Variants in ADGRL2 observed in about 807,000 individuals in gnomAD.
ADGRL2 encodes calcium-independent alpha-latrotoxin receptor 2.
Under a neutral mutation model 157.4 loss-of-function variants are expected in ADGRL2, and 44 were observed. That is an observed-to-expected ratio of 0.28 (90% CI 0.22 to 0.36). The LOEUF (loss-of-function observed/expected upper bound fraction) is 0.36, where lower values mean the gene tolerates loss of function less well. Ranked by LOEUF, ADGRL2 falls within the 10% of genes least tolerant of loss-of-function variation. The pLI, the probability that ADGRL2 is intolerant of heterozygous loss-of-function variation, is 1.00. For missense variants in ADGRL2, 1,510 were observed against 1,768.9 expected (o/e 0.85, Z 2.63); for synonymous variants, 585 against 624.7 (o/e 0.94, Z 0.95).
chr1:81,972,809 G>A (rs1038538436), intron 17 of ADGRL2, among the ~76,000 whole-genome samples: 13 of 151,860 alleles, frequency 8.6e-5, no homozygotes, highest in Non-Finnish European at 1.8e-4. Context: ...ATACTCAGGA[G>A]GCAGAGGCAG....
In ADGRL2 at chr1:81,955,790, A is replaced by G; in HGVS notation, c.1834-87A>G. On this transcript the variant is annotated intron_variant, in intron 10 of 23. Transcript: ENST00000686636. ...AAGAGTAAATCATCATGACAGATAA[A>G]TATTACAATTGTCACTCATCAGCTA... The G allele has an allele frequency of 4.0e-6, 3 of 758,974 alleles. 1 individual carries two copies. In the South Asian group the frequency reaches 6.0e-5, roughly 15 times the overall value. The allele number at this position is 758,974 out of a possible 1,614,324, so 47.0% of individuals were successfully genotyped here.
intron 16 of ADGRL2, among the ~76,000 whole-genome samples, chr1:81,971,556 G>T (rs1385187124): frequency 6.6e-6 from 1 of 152,168 alleles, no homozygotes; most frequent in African/African-American, 2.4e-5. Context: ...CTGTCTTAGG[G>T]AAGTCAGAAG....
chr1:81,865,651 T>C (rs1211422680), intron 2 of ADGRL2, among the ~76,000 whole-genome samples: 1 of 152,144 alleles, frequency 6.6e-6, no homozygotes, highest in African/African-American at 2.4e-5. Flanking sequence ...TTAGTAACCT[T>C]TGCTACTTGC....
chr1:81,434,954 T>C (rs999430713), intron 1 of ADGRL2, among the ~76,000 whole-genome samples: 3 of 152,178 alleles, frequency 2.0e-5, no homozygotes, highest in African/African-American at 7.2e-5. Context: ...GAGAATTAAA[T>C]ACAGCTGACA....
At chr1:81,848,143 A>G (rs963087316) in intron 2 of ADGRL2, among the ~76,000 whole-genome samples, 2 of 151,742 alleles carry the variant, frequency 1.3e-5, no homozygotes, top group African/African-American at 4.8e-5. Context: ...TAGGGTACTG[A>G]TATGATTTGT....
chr1:81,574,513 A>C (rs959537272), intron 2 of ADGRL2, among the ~76,000 whole-genome samples: 1 of 152,200 alleles, frequency 6.6e-6, no homozygotes, highest in African/African-American at 2.4e-5. Context: ...TGCTTCCCGC[A>C]GCTGACACTG....
chr1:81,565,324 T>G (rs948966107), intron 2 of ADGRL2, among the ~76,000 whole-genome samples: 3 of 152,224 alleles, frequency 2.0e-5, no homozygotes, highest in African/African-American at 7.2e-5. Context: ...CAGGATAGAA[T>G]GTTAAGAACA....
intron 2 of ADGRL2, among the ~76,000 whole-genome samples, chr1:81,888,379 T>C (rs574269205): frequency 6.6e-6 from 1 of 152,240 alleles, no homozygotes; most frequent in African/African-American, 2.4e-5. Context: ...CTTAAATGAG[T>C]CCGGCATATA....
At chr1:81,364,043 A>C (rs773385419) in intron 1 of ADGRL2, among the ~76,000 whole-genome samples, 62 of 152,134 alleles carry the variant, frequency 4.1e-4, no homozygotes, top group Admixed American at 2.0e-4. Flanking sequence ...AGGAAGAATA[A>C]ATTTTTACAT....
intron 2 of ADGRL2, among the ~76,000 whole-genome samples, chr1:81,489,236 C>CA (rs35819907): frequency 0.18 from 25,392 of 143,872 alleles, 2,252 homozygotes; most frequent in South Asian, 0.21. Context: ...GACTCTGTCT[C>CA]AAAAAAAAAA....
intron 2 of ADGRL2, among the ~76,000 whole-genome samples, chr1:81,449,956 T>G (rs2077675185): frequency 6.6e-6 from 1 of 152,156 alleles, no homozygotes; most frequent in African/African-American, 2.4e-5. Context: ...ACCCCATTTC[T>G]CTGAATAGAA....
At position 81,722,577 on chromosome 1, in the gene ADGRL2, C is replaced by G; in HGVS notation, c.-143+22769C>G. On this transcript the variant is annotated intron_variant, in intron 1 of 20. Transcript: ENST00000359929. ...AATGGCGAGGGAAAGCACACAGACG[C>G]CTAGGCCACTGGGAAGATGTAGCCC... 5.4e-6 allele frequency: 8 copies of G among 1,474,394 alleles called. No individual in the cohort carries two copies. In the South Asian group the frequency reaches 9.0e-5, roughly 17 times the overall value. The allele number at this position is 1,474,394 out of a possible 1,614,324, so 91.3% of individuals were successfully genotyped here.
chr1:81,490,701 G>C (rs1392624663), intron 2 of ADGRL2, among the ~76,000 whole-genome samples: 1 of 152,146 alleles, frequency 6.6e-6, no homozygotes, highest in African/African-American at 2.4e-5. Flanking sequence ...ACACACAGCT[G>C]GTGAGAGCAT....
chr1:81,571,843 T>G (rs944696407), intron 2 of ADGRL2, among the ~76,000 whole-genome samples: 1 of 152,292 alleles, frequency 6.6e-6, no homozygotes, highest in East Asian at 1.9e-4. Context: ...CAACACAGAA[T>G]AGGCACTCGA....
chr1:81,803,943 C>T (rs1186387831), intron 1 of ADGRL2, among the ~76,000 whole-genome samples: 1 of 152,134 alleles, frequency 6.6e-6, no homozygotes, highest in Non-Finnish European at 1.5e-5. Flanking sequence ...AAAGTCACAT[C>T]CTTTGGTAAA....
chr1:81,617,558 T>C (rs1411781430), intron 3 of ADGRL2, among the ~76,000 whole-genome samples: 4 of 152,252 alleles, frequency 2.6e-5, no homozygotes, highest in Non-Finnish European at 5.9e-5. Context: ...TTTCATTTCC[T>C]GTTTTGCTTT....
intron 2 of ADGRL2, among the ~76,000 whole-genome samples, chr1:81,525,860 A>T (rs1327253567): frequency 6.6e-6 from 1 of 152,216 alleles, no homozygotes; most frequent in Non-Finnish European, 1.5e-5. Flanking sequence ...CTTTCAAATT[A>T]CTTGACATTA....
At chr1:81,548,057 C>A (rs2080061120) in intron 2 of ADGRL2, among the ~76,000 whole-genome samples, 1 of 152,148 alleles carries the variant, frequency 6.6e-6, no homozygotes, top group Non-Finnish European at 1.5e-5. Context: ...GGAAGGAGTT[C>A]TTTCTCTTAC....
chr1:81,497,227 C>A (rs2078749583), intron 2 of ADGRL2, among the ~76,000 whole-genome samples: 1 of 152,174 alleles, frequency 6.6e-6, no homozygotes, highest in Admixed American at 6.5e-5. Context: ...TAGCTGGGTT[C>A]ACCTGTCTTG....
Sources: allele counts gnomAD v4.1 joint callset (sites outside exome capture counted in the v4.1 genomes callset), GRCh38; gene constraint gnomAD v4.1.1; transcripts MANE v1.5; gene names NCBI Gene and HGNC (gene_info 2026-07-23, HGNC 2026-07-21).